Variants in ZNF804B observed in about 807,000 individuals in gnomAD.
The protein encoded by ZNF804B is zinc finger 804B.
In ZNF804B, 80 loss-of-function variants were observed where a neutral mutation model predicts 101.4. The ratio of observed to expected loss-of-function variants is 0.79; its 90% CI spans 0.66 to 0.95. The LOEUF is 0.95. Among genes scored for constraint, ZNF804B ranks in the 40% least tolerant of loss-of-function variants. ZNF804B has a pLI of 0.00. For missense variants in ZNF804B, 1,673 were observed against 1,561.9 expected, an observed-to-expected ratio of 1.07 and a Z score of -1.20; for synonymous variants, 622 against 558.8, an observed-to-expected ratio of 1.11 and a Z score of -1.59.
intron 1 of ZNF804B, among the ~76,000 whole-genome samples, chr7:89,156,080 CTCTCTTTCCTTT>C (rs368877522): frequency 0.2 from 28,592 of 140,374 alleles, 3,322 homozygotes; most frequent in Non-Finnish European, 0.23. Context: ...TTCTCTCTTT[CTCTCTTTCCTTT>C]CTTTCTTTCT....
At chr7:88,829,998 T>C (rs1246818832) in intron 1 of ZNF804B, among the ~76,000 whole-genome samples, 1 of 152,182 alleles carries the variant, frequency 6.6e-6, no homozygotes, top group Non-Finnish European at 1.5e-5. Context: ...GCTGCTATTT[T>C]ATCCCTTGGT....
chr7:89,083,338 A>G (rs200532220), intron 1 of ZNF804B, among the ~76,000 whole-genome samples: 1 of 151,818 alleles, frequency 6.6e-6, no homozygotes, highest in East Asian at 1.9e-4. Context: ...TACAAGAAAC[A>G]ATACATGTTT....
At chr7:88,776,919 T>C (rs1314418704) in intron 1 of ZNF804B, among the ~76,000 whole-genome samples, 1 of 152,056 alleles carries the variant, frequency 6.6e-6, no homozygotes, top group African/African-American at 2.4e-5. Flanking sequence ...CAAGTAATTG[T>C]TTACCGATGT....
At chr7:88,888,220 A>G (rs1306149685) in intron 1 of ZNF804B, among the ~76,000 whole-genome samples, 1 of 152,046 alleles carries the variant, frequency 6.6e-6, no homozygotes, top group Non-Finnish European at 1.5e-5. Context: ...GCGAAACCCC[A>G]TCTCTATGAA....
At chr7:89,219,209 A>G (rs1335530895) in intron 2 of ZNF804B, among the ~76,000 whole-genome samples, 3 of 152,160 alleles carry the variant, frequency 2.0e-5, no homozygotes, top group African/African-American at 4.8e-5. Flanking sequence ...CAGATTTAGA[A>G]TCCTGGACTA....
rs151136178 is a variant in ZNF804B at position 89,107,874 on chromosome 7, A to C, written c.109-110281A>C. Among the ~76,000 whole-genome samples the C allele has an allele frequency of 7.9e-4, 121 of 152,248 alleles. 2 individuals are homozygous for C. In the East Asian group the frequency reaches 0.022, roughly 28 times the overall value. On this transcript the variant is annotated intron_variant, in intron 1 of 3. Transcript: ENST00000333190. ...ATTCTCTGAATTTCCTTTGGGTTCTATGCAGGCTGGGGAATTGAGAGAAAC... is the reference window on the plus strand; with the variant it reads ...ATTCTCTGAATTTCCTTTGGGTTCTCTGCAGGCTGGGGAATTGAGAGAAAC...
chr7:89,021,223 G>A (rs1205209268), intron 1 of ZNF804B, among the ~76,000 whole-genome samples: 1 of 152,108 alleles, frequency 6.6e-6, no homozygotes, highest in Non-Finnish European at 1.5e-5. Flanking sequence ...TTCTTCAGCA[G>A]CAATCCATTT....
chr7:88,988,645 AAAC>A (rs930277094), intron 1 of ZNF804B, among the ~76,000 whole-genome samples: 1 of 152,148 alleles, frequency 6.6e-6, no homozygotes, highest in African/African-American at 2.4e-5. Flanking sequence ...TACTCTTGAA[AAAC>A]AACAACAAAA....
rs1407045770 is a variant in ZNF804B, at chr7:89,336,641, C to G, written c.3659C>G (p.Ser1220Cys). 6.2e-7 allele frequency: 1 copy of G among 1,614,098 alleles called. No individual in the cohort carries two copies. Among genetic ancestry groups the G allele is most frequent in the Non-Finnish European group, 8.5e-7 (1 of 1,179,992 alleles). ...ACGTTCCTGCAGCATTTTGCTGTTT[C>G]TGCTTCCTTAAGTTCTCATAGCAGT... ...HHTFLQHFAV[S>C]ASLSSHSSHL... The change falls in exon 4 of 4, where the codon TCT (serine) becomes TGT (cysteine). Residue 1220 changes from serine (S) to cysteine (C), a missense_variant. Transcript: ENST00000333190.
chr7:88,760,698 T>C (rs1254351440), intron 1 of ZNF804B, among the ~76,000 whole-genome samples: 1 of 151,926 alleles, frequency 6.6e-6, no homozygotes, highest in Non-Finnish European at 1.5e-5. Context: ...GTGATTGCTT[T>C]TTAACTTAGT....
At chr7:88,831,133 G>A (rs1338163039) in intron 1 of ZNF804B, among the ~76,000 whole-genome samples, 1 of 151,848 alleles carries the variant, frequency 6.6e-6, no homozygotes, top group African/African-American at 2.4e-5. Flanking sequence ...TCAGAGTTGT[G>A]CAACCATCAC....
chr7:88,942,937 G>T (rs1002174969), intron 1 of ZNF804B, among the ~76,000 whole-genome samples: 2 of 151,776 alleles, frequency 1.3e-5, no homozygotes, highest in African/African-American at 4.8e-5. Flanking sequence ...ACATTTAAAT[G>T]CAAAAAGGTT....
At chr7:89,115,788 A>G (rs542676959) in intron 1 of ZNF804B, among the ~76,000 whole-genome samples, 3 of 152,254 alleles carry the variant, frequency 2.0e-5, no homozygotes, top group East Asian at 3.9e-4. Context: ...TTTTTAGCCT[A>G]TTGCAAACAT....
intron 1 of ZNF804B, among the ~76,000 whole-genome samples, chr7:88,828,759 G>A (rs1791085451): frequency 6.6e-6 from 1 of 152,078 alleles, no homozygotes; most frequent in African/African-American, 2.4e-5. Flanking sequence ...GTTTTGATGA[G>A]GGTATATTGT....
rs2116011362 is a variant in ZNF804B, at chr7:89,336,579, A to G, written c.3597A>G (p.Pro1199=). 1.2e-6 allele frequency: 2 copies of G among 1,614,098 alleles called. No individual in the cohort carries two copies. Among genetic ancestry groups the G allele is most frequent in the Non-Finnish European group, 1.7e-6 (2 of 1,179,988 alleles). Reference sequence around the variant, plus strand: ...CGGCCTCAACCGTACAGACAGTTCCAGTTCACCAGCACACTTCTATCACCA... The same window carrying G: ...CGGCCTCAACCGTACAGACAGTTCCGGTTCACCAGCACACTTCTATCACCA... ...FSPASTVQTV[P]VHQHTSITTI... The change falls in exon 4 of 4, where the codon CCA becomes CCG. Residue 1199 remains proline (P), a synonymous_variant. Coordinates refer to ENST00000333190, the MANE Select transcript of ZNF804B (RefSeq NM_181646.5).
intron 1 of ZNF804B, among the ~76,000 whole-genome samples, chr7:89,100,422 T>C (rs1293308469): frequency 1.3e-5 from 2 of 152,128 alleles, no homozygotes; most frequent in Admixed American, 6.5e-5. Flanking sequence ...TCTTGAGTAC[T>C]ACCCCAAAAA....
At chr7:88,840,072 A>G (rs1269951788) in intron 1 of ZNF804B, among the ~76,000 whole-genome samples, 2 of 152,126 alleles carry the variant, frequency 1.3e-5, no homozygotes, top group Non-Finnish European at 2.9e-5. Context: ...AATACTATAG[A>G]AAAGTACAAT....
intron 1 of ZNF804B, among the ~76,000 whole-genome samples, chr7:88,786,296 C>T (rs1790301826): frequency 6.6e-6 from 1 of 152,014 alleles, no homozygotes; most frequent in African/African-American, 2.4e-5. Flanking sequence ...CTATAGAGAG[C>T]CCTTTATGTG....
At chr7:89,198,912 G>T (rs576883743) in intron 1 of ZNF804B, among the ~76,000 whole-genome samples, 2 of 151,966 alleles carry the variant, frequency 1.3e-5, no homozygotes, top group Admixed American at 6.6e-5. Context: ...TTAATGCAAA[G>T]AACATTATTT....
Sources: allele counts gnomAD v4.1 joint callset (sites outside exome capture counted in the v4.1 genomes callset), GRCh38; gene constraint gnomAD v4.1.1; transcripts MANE v1.5; gene names NCBI Gene and HGNC (gene_info 2026-07-23, HGNC 2026-07-21).